GRIN2B: variants seen among roughly 807,000 people sequenced by gnomAD.
GRIN2B encodes glutamate receptor ionotropic, NMDA 2B.
GRIN2B carries 5 observed loss-of-function variants against 114.5 expected under a neutral mutation model. The ratio of observed to expected loss-of-function variants is 0.04; its 90% CI spans 0.02 to 0.09. The LOEUF (loss-of-function observed/expected upper bound fraction) is 0.09, where lower values mean the gene tolerates loss of function less well. Among genes scored for constraint, GRIN2B ranks in the 10% least tolerant of loss-of-function variants. The pLI, the probability that GRIN2B is intolerant of heterozygous loss-of-function variation, is 1.00. For synonymous variants in GRIN2B, 787 were observed against 745.1 expected (o/e 1.06, Z -0.92); for missense variants, 1,108 against 1,943.5 (o/e 0.57, Z 8.08).
chr12:13,730,578 C>A (rs368500605), intron 4 of GRIN2B, among the ~76,000 whole-genome samples: 3 of 152,124 alleles, frequency 2.0e-5, no homozygotes, highest in Non-Finnish European at 4.4e-5. Flanking sequence ...TGTTGAGAGA[C>A]CCCTGGCATC....
At chr12:13,587,065 G>A (rs1948937054) in intron 10 of GRIN2B, among the ~76,000 whole-genome samples, 1 of 152,082 alleles carries the variant, frequency 6.6e-6, no homozygotes, top group Non-Finnish European at 1.5e-5. Flanking sequence ...CTAGTATGAA[G>A]AGACAATTAA....
At chr12:13,649,649 A>G (rs181987978) in intron 5 of GRIN2B, among the ~76,000 whole-genome samples, 7 of 152,200 alleles carry the variant, frequency 4.6e-5, no homozygotes, top group East Asian at 3.9e-4. Context: ...TCCATTGAAT[A>G]CAAGTTGATA....
chr12:13,597,245 C>T (rs927754844), intron 10 of GRIN2B, among the ~76,000 whole-genome samples: 3 of 152,170 alleles, frequency 2.0e-5, no homozygotes, highest in Admixed American at 1.3e-4. Context: ...ACATCAAGGT[C>T]TGGAGGCACG....
chr12:13,913,183 C>T (rs186660579), intron 2 of GRIN2B, among the ~76,000 whole-genome samples: 1 of 152,284 alleles, frequency 6.6e-6, no homozygotes, highest in East Asian at 1.9e-4. Context: ...GTTGGAGCCA[C>T]GCTTACCATG....
At chr12:13,674,482 A>G (rs1950052427) in intron 5 of GRIN2B, among the ~76,000 whole-genome samples, 2 of 152,148 alleles carry the variant, frequency 1.3e-5, no homozygotes, top group Non-Finnish European at 2.9e-5. Context: ...CCTGGATTCT[A>G]CTGCCTGAGC....
At chr12:13,748,138 G>T (rs1369407591) in intron 4 of GRIN2B, among the ~76,000 whole-genome samples, 1 of 152,214 alleles carries the variant, frequency 6.6e-6, no homozygotes, top group Non-Finnish European at 1.5e-5. Flanking sequence ...TAAGAAAGAA[G>T]AATTTAGGGA....
intron 5 of GRIN2B, among the ~76,000 whole-genome samples, chr12:13,665,564 A>G (rs1861578): frequency 0.95 from 145,242 of 152,158 alleles, 69,690 homozygotes; most frequent in East Asian, 1. Flanking sequence ...AAACGGAGCT[A>G]GATGTAAATG....
intron 4 of GRIN2B, among the ~76,000 whole-genome samples, chr12:13,713,157 AC>A (rs1238391863): frequency 6.6e-6 from 1 of 151,914 alleles, no homozygotes. Context: ...CATTTAAGAA[AC>A]GTTAGGTATT....
intron 5 of GRIN2B, among the ~76,000 whole-genome samples, chr12:13,639,699 G>A (rs888453480): frequency 2.6e-5 from 4 of 152,082 alleles, no homozygotes; most frequent in African/African-American, 7.2e-5. Flanking sequence ...GAAGCATACT[G>A]CATCCTCTGC....
chr12:13,575,594 G>A (rs1211702035), intron 10 of GRIN2B, among the ~76,000 whole-genome samples: 34 of 152,028 alleles, frequency 2.2e-4, no homozygotes, highest in Admixed American at 2.2e-3. Context: ...AGGAGGTGGA[G>A]GTTGCAGTAA....
At chr12:13,899,619 A>G (rs946248899) in intron 2 of GRIN2B, among the ~76,000 whole-genome samples, 1 of 144,228 alleles carries the variant, frequency 6.9e-6, no homozygotes, top group African/African-American at 2.4e-5. Context: ...TGTCAAAATA[A>G]TAATTTAAAC....
chr12:13,824,760 G>C (rs983680992), intron 3 of GRIN2B, among the ~76,000 whole-genome samples: 2 of 150,950 alleles, frequency 1.3e-5, no homozygotes, highest in Admixed American at 1.3e-4. Flanking sequence ...GGAGGCTGAG[G>C]CAGGAGAATT....
chr12:13,598,206 C>T (rs1401947394), intron 10 of GRIN2B, among the ~76,000 whole-genome samples: 2 of 152,244 alleles, frequency 1.3e-5, no homozygotes, highest in African/African-American at 4.8e-5. Context: ...GGACCAACCT[C>T]AGTGCAGCTG....
At chr12:13,903,246 T>C (rs960894015) in intron 2 of GRIN2B, among the ~76,000 whole-genome samples, 3 of 152,156 alleles carry the variant, frequency 2.0e-5, no homozygotes, top group Non-Finnish European at 4.4e-5. Flanking sequence ...ATTCTTACTC[T>C]CATCTTGATC....
Position 13,563,355 on chromosome 12 carries a change from G to T in GRIN2B, c.3883C>A (p.Arg1295=), listed in dbSNP as rs560662030. 1.2e-6 allele frequency: 2 copies of T among 1,614,166 alleles called. No homozygotes were observed. Among genetic ancestry groups the T allele is most frequent in the East Asian group, 4.5e-5 (2 of 44,876 alleles). The part of the protein sequence containing the change: ...PTNSKAQKKN[R]NKLRRQHSYD... ...GAGTGCTGCCGGCGCAGTTTGTTCC[G>T]GTTCTTCTTCTGGGCCTTGGAATTA... is the stretch of plus-strand genomic sequence containing the variant. The change falls in exon 14 of 14, where the codon CGG becomes AGG. Residue 1295 remains arginine (R), a synonymous_variant. Transcript: ENST00000609686.
At position 13,540,886 on chromosome 12, in the gene GRIN2B, A is replaced by T. The variant is rs1312161147; in HGVS notation, c.*21897T>A. The T allele has an allele frequency of 6.6e-6, 1 of 152,250 alleles. No individual in the cohort carries two copies. Among genetic ancestry groups the T allele is most frequent in the Non-Finnish European group, 1.5e-5 (1 of 68,052 alleles). 9.4% of individuals were successfully genotyped at this position (152,250 alleles called of 1,614,324 possible). On this transcript the variant is annotated 3_prime_UTR_variant, in exon 14 of 14. Transcript: ENST00000609686. ...GTCGTCGGTGCTCCCTGGAGAGGAC[A>T]TCACACAGGAAAGCTATGACCATTT...
chr12:13,824,213 T>C (rs975706516), intron 3 of GRIN2B, among the ~76,000 whole-genome samples: 20 of 152,220 alleles, frequency 1.3e-4, no homozygotes, highest in Non-Finnish European at 1.5e-5. Flanking sequence ...GTTCTTTCTT[T>C]ATACGTTTGG....
At position 13,854,384 on chromosome 12, in the gene GRIN2B, C is replaced by T. The variant is rs1182358602; in HGVS notation, c.411+11414G>A. On this transcript the variant is annotated intron_variant, in intron 3 of 13. Transcript: ENST00000609686. Reference sequence around the variant, plus strand: ...AAATAACTCGGTGTGGTGGTGAGTGCCTATAATCCCAGCTATGAGGGAGGC... The same window carrying T: ...AAATAACTCGGTGTGGTGGTGAGTGTCTATAATCCCAGCTATGAGGGAGGC... Among the ~76,000 whole-genome samples the T allele has an allele frequency of 2.0e-5, 3 of 152,158 alleles. No individual in the cohort carries two copies. In the South Asian group the frequency reaches 6.2e-4, roughly 32 times the overall value.
chr12:13,763,070 T>C (rs1234225886), intron 3 of GRIN2B, among the ~76,000 whole-genome samples: 3 of 151,776 alleles, frequency 2.0e-5, no homozygotes, highest in African/African-American at 4.8e-5. Context: ...AAAGAGGCAA[T>C]GCATTTTGAA....
Sources: allele counts gnomAD v4.1 joint callset (sites outside exome capture counted in the v4.1 genomes callset), GRCh38; gene constraint gnomAD v4.1.1; transcripts MANE v1.5; gene names NCBI Gene and HGNC (gene_info 2026-07-23, HGNC 2026-07-21).